Variants in ZNF69 observed in about 807,000 individuals in gnomAD.
ZNF69 encodes ZNF3.
ZNF69 carries 47 observed loss-of-function variants against 50.9 expected under a neutral mutation model. That is an observed-to-expected ratio of 0.92 (90% CI 0.73 to 1.18). The LOEUF (loss-of-function observed/expected upper bound fraction) is 1.18, where lower values mean the gene tolerates loss of function less well. Ranked by LOEUF, ZNF69 falls within the 50% of genes most tolerant of loss-of-function variation. The pLI is 0.00. For synonymous variants in ZNF69, 216 were observed against 223.1 expected (o/e 0.97, Z 0.29); for missense variants, 717 against 675.1 (o/e 1.06, Z -0.69).
At chr19:11,948,941 A>G in the ZNF69 span, 3 of 1,608,284 alleles carry the variant, frequency 1.9e-6, no homozygotes, top group African/African-American at 1.3e-5. Context: ...GAGAAGCCTT[A>G]TCAATGCAAA....
the ZNF69 span, among the ~76,000 whole-genome samples, chr19:11,929,012 G>A: frequency 6.9e-4 from 103 of 148,328 alleles, 2 homozygotes; most frequent in Non-Finnish European, 1.0e-3. Context: ...TTTACAAAAC[G>A]CTATAGGTAG....
At chr19:11,923,511 GC>G in the ZNF69 span, among the ~76,000 whole-genome samples, 1 of 152,178 alleles carries the variant, frequency 6.6e-6, no homozygotes, top group Non-Finnish European at 1.5e-5. Flanking sequence ...CTGCTGCAGA[GC>G]CCAGTTCCCA....
At chr19:11,948,237 TAAAC>T in the ZNF69 span, 1 of 1,592,500 alleles carries the variant, frequency 6.3e-7, no homozygotes, top group Non-Finnish European at 8.5e-7. Context: ...GAAGTACTTG[TAAAC>T]AAACCCTTCA....
chr19:11,950,992 A>T, the ZNF69 span, among the ~76,000 whole-genome samples: 1 of 151,830 alleles, frequency 6.6e-6, no homozygotes, highest in South Asian at 2.1e-4. Context: ...CTCTACTAAA[A>T]ATACAAAAAT....
chr19:11,911,978 T>C (rs1317034281), intron 4 of ZNF69, among the ~76,000 whole-genome samples: 1 of 151,922 alleles, frequency 6.6e-6, no homozygotes, highest in Non-Finnish European at 1.5e-5. Flanking sequence ...CCTTTGTTTC[T>C]TTCACTTCCT....
At chr19:11,947,941 T>A in the ZNF69 span, among the ~76,000 whole-genome samples, 1 of 152,158 alleles carries the variant, frequency 6.6e-6, no homozygotes, top group South Asian at 2.1e-4. Context: ...CTTCAGGAGT[T>A]AAAGGCTGCA....
the ZNF69 span, chr19:11,950,105 A>G: frequency 6.2e-7 from 1 of 1,614,234 alleles, no homozygotes; most frequent in South Asian, 1.1e-5. Flanking sequence ...CTTCAAATAC[A>G]TGCAAGAACA....
chr19:11,980,111 C>T, the ZNF69 span: 22 of 907,478 alleles, frequency 2.4e-5, no homozygotes, highest in East Asian at 5.2e-4. Context: ...CTCACACCTT[C>T]GAAAACATGG....
At chr19:11,971,832 T>C in the ZNF69 span, among the ~76,000 whole-genome samples, 7 of 152,066 alleles carry the variant, frequency 4.6e-5, no homozygotes, top group South Asian at 6.2e-4. Flanking sequence ...GGGAGGCCAA[T>C]GTGGATGGAT....
chr19:11,946,362 C>CG, the ZNF69 span, among the ~76,000 whole-genome samples: 18 of 151,992 alleles, frequency 1.2e-4, no homozygotes, highest in African/African-American at 4.1e-4. Flanking sequence ...TAGGTAAGGA[C>CG]GGGGGGCATT....
chr19:11,911,511 A>G (rs958662057), downstream of ZNF69, among the ~76,000 whole-genome samples: 3 of 152,220 alleles, frequency 2.0e-5, no homozygotes, highest in African/African-American at 7.2e-5. Context: ...TGATGAGTTC[A>G]TGTCCTTTGT....
chr19:11,891,554 G>A (rs1381477914), intron 1 of ZNF69, among the ~76,000 whole-genome samples: 2 of 152,154 alleles, frequency 1.3e-5, no homozygotes, highest in Non-Finnish European at 2.9e-5. Context: ...TCTTGTCTAT[G>A]TAAAGACTAA....
chr19:11,965,209 A>G, the ZNF69 span: 1 of 1,614,046 alleles, frequency 6.2e-7, no homozygotes, highest in East Asian at 2.2e-5. Context: ...AAGCCAGGAA[A>G]TGGTGCGTGT....
the ZNF69 span, chr19:11,965,140 T>G: frequency 1.2e-6 from 2 of 1,610,080 alleles, no homozygotes; most frequent in African/African-American, 2.7e-5. Context: ...TCGCTCTGTC[T>G]CCTGCGCTGT....
At chr19:11,894,785 A>G (rs1169585405) in intron 1 of ZNF69, among the ~76,000 whole-genome samples, 1 of 152,168 alleles carries the variant, frequency 6.6e-6, no homozygotes, top group African/African-American at 2.4e-5. Context: ...CGTAAGTTGG[A>G]GACACATGGC....
At chr19:11,941,622 A>G in the ZNF69 span, among the ~76,000 whole-genome samples, 3 of 152,060 alleles carry the variant, frequency 2.0e-5, no homozygotes, top group Admixed American at 6.5e-5. Flanking sequence ...CCCACCCAGA[A>G]CTCCAGCTGG....
chr19:11,976,636 G>A, the ZNF69 span, among the ~76,000 whole-genome samples: 1 of 151,824 alleles, frequency 6.6e-6, no homozygotes, highest in Non-Finnish European at 1.5e-5. Context: ...GGAGGCCGAG[G>A]CTGGCGGATC....
downstream of ZNF69, among the ~76,000 whole-genome samples, chr19:11,918,744 C>T (rs1972542251): frequency 6.6e-6 from 1 of 152,102 alleles, no homozygotes; most frequent in East Asian, 1.9e-4. Flanking sequence ...CATGATCCAC[C>T]ATGCTCAGCA....
At chr19:11,948,925 A>G in the ZNF69 span, 7 of 1,607,372 alleles carry the variant, frequency 4.4e-6, 1 homozygote, top group South Asian at 5.6e-5. Flanking sequence ...AAGAAGTCAC[A>G]TGGGAGAGAA....
Sources: allele counts gnomAD v4.1 joint callset (sites outside exome capture counted in the v4.1 genomes callset), GRCh38; gene constraint gnomAD v4.1.1; transcripts MANE v1.5; gene names NCBI Gene and HGNC (gene_info 2026-07-23, HGNC 2026-07-21).